The following ATP6AP2 variants were observed in gnomAD, a reference collection of about 807,000 sequenced individuals.
ATP6AP2 encodes the protein ATPase H+ transporting accessory protein 2.
In ATP6AP2, 1 loss-of-function variant was observed where a neutral mutation model predicts 23.4. The ratio of observed to expected loss-of-function variants is 0.04; its 90% CI spans 0.02 to 0.20. The LOEUF is 0.20. Ranked by LOEUF, ATP6AP2 falls within the 10% of genes least tolerant of loss-of-function variation. The pLI, the probability that ATP6AP2 is intolerant of heterozygous loss-of-function variation, is 1.00. For missense variants in ATP6AP2, 174 were observed against 271.3 expected (o/e 0.64, Z 2.52); for synonymous variants, 90 against 97.1 (o/e 0.93, Z 0.43).
At chrX:40,585,810 C>T (rs897532413) in intron 1 of ATP6AP2, among the ~76,000 whole-genome samples, 2 of 111,060 alleles carry the variant, frequency 1.8e-5, no homozygotes, top group Non-Finnish European at 1.9e-5. Flanking sequence ...GAGCTGAGAT[C>T]CTTACCACTG....
Position 40,600,779 on chromosome X carries a change from C to T in ATP6AP2, c.756C>T (p.Tyr252=). ...DALQKFADDM[Y]SLYGGNAVVE... ...ACTTTCAGTTTGCAGATGACATGTACAGTCTTTATGGTGGGAATGCAGTGG... is the reference window on the plus strand; with the variant it reads ...ACTTTCAGTTTGCAGATGACATGTATAGTCTTTATGGTGGGAATGCAGTGG... Residue 252 remains tyrosine (Y), a synonymous_variant, in exon 8 of 9, where the codon TAC becomes TAT. Transcript: ENST00000636580. 1 of 1,207,193 alleles carries T rather than the reference C, an allele frequency of 8.3e-7. No homozygotes were observed. The highest frequency in any genetic ancestry group is 1.1e-6 in the Non-Finnish European group (1 of 892,263).
intron 3 of ATP6AP2, among the ~76,000 whole-genome samples, chrX:40,593,570 A>G (rs1307762231): frequency 9.1e-6 from 1 of 109,531 alleles, no homozygotes; most frequent in Non-Finnish European, 1.9e-5. Context: ...GCAGTGGCGC[A>G]ATGTCATCTC....
intron 8 of ATP6AP2, among the ~76,000 whole-genome samples, chrX:40,601,182 C>T (rs1309229070): frequency 1.8e-5 from 2 of 111,533 alleles, no homozygotes; most frequent in East Asian, 2.8e-4. Context: ...GTTAATGTGG[C>T]GCCAGGTGCA....
At chrX:40,585,250 ACTT>A (rs1405120458) in intron 1 of ATP6AP2, among the ~76,000 whole-genome samples, 1 of 112,034 alleles carries the variant, frequency 8.9e-6, no homozygotes, top group Non-Finnish European at 1.9e-5. Flanking sequence ...AGAAGTATAT[ACTT>A]TACATGGAGA....
chrX:40,606,324 C>T lies in ATP6AP2; in HGVS notation c.*569C>T, dbSNP rs1927069104. On this transcript the variant is annotated 3_prime_UTR_variant, in exon 9 of 9. Transcript: ENST00000636580. ...AACAGAGGACAGCTGTTTTTTAACC[C>T]TCTTCTGCAAGTTTGTTGACCTACA... 8.8e-6 allele frequency: 1 copy of T among 113,716 alleles called. No individual in the cohort carries two copies. Among genetic ancestry groups the T allele is most frequent in the African/African-American group, 3.2e-5 (1 of 30,790 alleles). The allele number at this position is 113,716 out of a possible 1,213,427, so 9.4% of individuals were successfully genotyped here.
intron 8 of ATP6AP2, among the ~76,000 whole-genome samples, chrX:40,602,942 GGA>G (rs1926974425): frequency 4.8e-4 from 9 of 18,749 alleles, no homozygotes; most frequent in African/African-American, 7.2e-4. Context: ...TTTTTTTTTT[GGA>G]TTTTTTGGAG....
intron 5 of ATP6AP2, chrX:40,598,266 C>A: frequency 5.6e-6 from 1 of 177,788 alleles, no homozygotes; most frequent in Non-Finnish European, 1.1e-5. Flanking sequence ...GGTGGCCTCC[C>A]CTTTTTATTT....
chrX:40,604,234 A>G (rs913435580), intron 8 of ATP6AP2, among the ~76,000 whole-genome samples: 5 of 112,207 alleles, frequency 4.5e-5, no homozygotes, highest in African/African-American at 1.6e-4. Context: ...TTAAATAATA[A>G]AAATAATAAC....
chrX:40,591,127 T>C, intron 2 of ATP6AP2, 107 bp from the exon 3 acceptor site: 1 of 1,009,336 alleles, frequency 9.9e-7, no homozygotes, highest in Non-Finnish European at 1.4e-6. Context: ...TGAATTTTCC[T>C]TGTCAGTGTC....
At chrX:40,589,382 T>G (rs1926565152) in intron 2 of ATP6AP2, 4 of 281,423 alleles carry the variant, frequency 1.4e-5, no homozygotes, top group Non-Finnish European at 2.5e-5. Flanking sequence ...ATAAATGAAT[T>G]AATTTTTTAA....
chrX:40,598,940 A>G lies in ATP6AP2; in HGVS notation c.588+206A>G, dbSNP rs752277252. 3 of 429,209 alleles carry G rather than the reference A, an allele frequency of 7.0e-6. No individual in the cohort carries two copies. The African/African-American group carries it at 7.4e-5, about 11-fold the overall frequency. 35.4% of individuals were successfully genotyped at this position (429,209 alleles called of 1,213,427 possible). ...TTTTGCATTTCTGCTTTTTAGGGAG[A>G]GACAACATATCTTCCAAGAACACAA... On this transcript the variant is annotated intron_variant, in intron 6 of 8. Coordinates refer to ENST00000636580, the MANE Select transcript of ATP6AP2 (RefSeq NM_005765.3).
intron 8 of ATP6AP2, among the ~76,000 whole-genome samples, chrX:40,604,145 T>C (rs1927010827): frequency 9.3e-6 from 1 of 107,363 alleles, no homozygotes; most frequent in Non-Finnish European, 1.9e-5. Flanking sequence ...ACAATGTTTT[T>C]ACACAGCTCT....
At chrX:40,588,346 C>A (rs983263187) in intron 1 of ATP6AP2, among the ~76,000 whole-genome samples, 1 of 68,427 alleles carries the variant, frequency 1.5e-5, no homozygotes, top group African/African-American at 5.4e-5. Flanking sequence ...CCCCCCCCCC[C>A]CCCAACATTT....
rs1927062931 is a variant in ATP6AP2 at position 40,606,042 on chromosome X, G to A, written c.*287G>A. 1 of 288,959 alleles carries A rather than the reference G, an allele frequency of 3.5e-6. No homozygotes were observed. The highest frequency in any genetic ancestry group is 6.1e-6 in the Non-Finnish European group (1 of 164,658). 23.8% of individuals were successfully genotyped at this position (288,959 alleles called of 1,213,427 possible). A position where few individuals can be genotyped will look rare whatever the true frequency, so the allele number is the denominator to read the frequency against. ...ATGAATTTGGAAATATGCACTGAAA[G>A]AAATGTAAAACATTTAGAATAGCTC... On this transcript the variant is annotated 3_prime_UTR_variant, in exon 9 of 9. Transcript: ENST00000636580.
chrX:40,592,820 T>A, intron 3 of ATP6AP2, among the ~76,000 whole-genome samples: 1 of 110,959 alleles, frequency 9.0e-6, no homozygotes, highest in Non-Finnish European at 1.9e-5. Context: ...ACACATGGCA[T>A]ACTTAGAAAA....
At chrX:40,595,561 T>A (rs995458261) in intron 3 of ATP6AP2, among the ~76,000 whole-genome samples, 3 of 112,240 alleles carry the variant, frequency 2.7e-5, no homozygotes, top group African/African-American at 9.7e-5. Context: ...TTCAATTTGA[T>A]CGCTATGGAC....
At chrX:40,597,040 G>C in intron 3 of ATP6AP2, 1 of 412,511 alleles carries the variant, frequency 2.4e-6, no homozygotes, top group Non-Finnish European at 4.2e-6. Flanking sequence ...TTCCACTGAG[G>C]CATGATGGGA....
rs1226602724 is a variant in ATP6AP2 at position 40,606,674 on chromosome X, T to TA, written c.*924dup. The TA allele has an allele frequency of 2.7e-5, 3 of 112,188 alleles. No individual in the cohort carries two copies. The highest frequency in any genetic ancestry group is 5.6e-5 in the Non-Finnish European group (3 of 53,175). The allele number at this position is 112,188 out of a possible 1,213,427, so 9.2% of individuals were successfully genotyped here. A position where few individuals can be genotyped will look rare whatever the true frequency, so the allele number is the denominator to read the frequency against. On this transcript the variant is annotated 3_prime_UTR_variant, in exon 9 of 9. Transcript: ENST00000636580. ...GCAGTACTAAATCTATTTTATATTGTAAAAACCTAACAAAACAGGCTTTTC... is the reference window on the plus strand; with the variant it reads ...GCAGTACTAAATCTATTTTATATTGTAAAAAACCTAACAAAACAGGCTTTTC...
At chrX:40,604,162 T>TA (rs199588678) in intron 8 of ATP6AP2, among the ~76,000 whole-genome samples, 8 of 111,222 alleles carry the variant, frequency 7.2e-5, no homozygotes, top group Non-Finnish European at 1.5e-4. Flanking sequence ...CTCTGTATTT[T>TA]AAAAAAAAGT....
Sources: allele counts gnomAD v4.1 joint callset (sites outside exome capture counted in the v4.1 genomes callset), GRCh38; gene constraint gnomAD v4.1.1; transcripts MANE v1.5; gene names NCBI Gene and HGNC (gene_info 2026-07-23, HGNC 2026-07-21).